The following EXOSC10 variants were observed in gnomAD, a reference collection of about 807,000 sequenced individuals.
EXOSC10 encodes exosome complex component 10.
Under a neutral mutation model 126.6 loss-of-function variants are expected in EXOSC10, and 94 were observed. The ratio of observed to expected loss-of-function variants is 0.74; its 90% CI spans 0.63 to 0.88. The LOEUF (loss-of-function observed/expected upper bound fraction) is 0.88. Among genes scored for constraint, EXOSC10 ranks in the 40% least tolerant of loss-of-function variants. The pLI is 0.00. For missense variants in EXOSC10, 1,041 were observed against 1,100.5 expected, an observed-to-expected ratio of 0.95 and a Z score of 0.77; for synonymous variants, 395 against 400.8, an observed-to-expected ratio of 0.99 and a Z score of 0.17.
chr1:11,095,752 A>C lies in EXOSC10; in HGVS notation c.372+6T>G, dbSNP rs1243645006. ...AACAAAAAAAAGAGTAAGGGAAAATACTCACCACTCTCTCCAGAATTACAT... is the reference window on the plus strand; with the variant it reads ...AACAAAAAAAAGAGTAAGGGAAAATCCTCACCACTCTCTCCAGAATTACAT... On this transcript the variant is annotated splice_donor_region_variant and intron_variant, in intron 3 of 24. Transcript: ENST00000376936. 9.9e-6 allele frequency: 16 copies of C among 1,613,388 alleles called. No individual in the cohort carries two copies. Among genetic ancestry groups the C allele is most frequent in the Non-Finnish European group, 1.1e-5 (13 of 1,179,528 alleles).
At chr1:11,089,618 T>TC (rs1435710780) in intron 6 of EXOSC10, among the ~76,000 whole-genome samples, 1 of 115,264 alleles carries the variant, frequency 8.7e-6, no homozygotes, top group Non-Finnish European at 1.8e-5. Context: ...CGAAACTCCG[T>TC]CCCAAAAAAA....
intron 10 of EXOSC10, among the ~76,000 whole-genome samples, chr1:11,081,948 G>A (rs1291358956): frequency 6.6e-6 from 1 of 151,908 alleles, no homozygotes; most frequent in African/African-American, 2.4e-5. Context: ...TGGGCGTGGT[G>A]GTGCACGCCT....
Position 11,091,272 on chromosome 1 carries a change from A to G in EXOSC10, c.478-93T>C, listed in dbSNP as rs574938732. 3.3e-6 allele frequency: 4 copies of G among 1,230,540 alleles called. No homozygotes were observed. The East Asian group carries it at 9.3e-5, about 29-fold the overall frequency. 76.2% of individuals were successfully genotyped at this position (1,230,540 alleles called of 1,614,324 possible). ...TTATGACTTCTGAGGAGACAAGAAC[A>G]TCGCAAAGGTCATTCATTCATTTAA... is the stretch of plus-strand genomic sequence containing the variant. On this transcript the variant is annotated intron_variant, in intron 4 of 24. Coordinates refer to ENST00000376936, the MANE Select transcript of EXOSC10 (RefSeq NM_001001998.3).
At chr1:11,098,267 A>C in intron 1 of EXOSC10, 111 bp from the exon 2 acceptor site, 2 of 1,340,814 alleles carry the variant, frequency 1.5e-6, no homozygotes, top group Non-Finnish European at 2.0e-6. Flanking sequence ...CCATCAAAAA[A>C]AGCACTCATT....
At chr1:11,076,026 A>T (rs1639796698) in intron 17 of EXOSC10, among the ~76,000 whole-genome samples, 1 of 151,722 alleles carries the variant, frequency 6.6e-6, no homozygotes, top group South Asian at 2.1e-4. Flanking sequence ...TTAGCTAAGT[A>T]TGGTGGCGGG....
intron 10 of EXOSC10, 149 bp downstream of exon 10, chr1:11,082,539 T>G (rs1317642478): frequency 1.3e-6 from 2 of 1,482,144 alleles, no homozygotes; most frequent in Admixed American, 5.0e-5. Context: ...CCTACCACTT[T>G]TACGCTGCTG....
At chr1:11,076,230 C>T (rs1441040570) in intron 17 of EXOSC10, among the ~76,000 whole-genome samples, 2 of 152,038 alleles carry the variant, frequency 1.3e-5, no homozygotes, top group African/African-American at 2.4e-5. Flanking sequence ...TGCCTGTAAT[C>T]CCAGCTACTC....
intron 24 of EXOSC10, among the ~76,000 whole-genome samples, 186 bp downstream of exon 24, chr1:11,067,822 G>C (rs1283320909): frequency 6.6e-6 from 1 of 152,102 alleles, no homozygotes; most frequent in East Asian, 1.9e-4. Context: ...GTATGGCACA[G>C]AGCAAATCAC....
Position 11,077,621 on chromosome 1 carries a change from C to T in EXOSC10, c.1780G>A (p.Gly594Arg), listed in dbSNP as rs530179972. 51 of 1,612,232 alleles carry T rather than the reference C, an allele frequency of 3.2e-5. No homozygotes were observed. In the African/African-American group the frequency reaches 4.4e-4, roughly 14 times the overall value. Residue 594 changes from glycine to arginine, a missense_variant, in exon 15 of 25, where the codon GGA (glycine) becomes AGA (arginine). Physicochemically the swap from Gly to Arg is moderately radical, Grantham distance 125 (BLOSUM62 -2). This residue lies in a region of EXOSC10 where 388 missense variants were observed against 415.2 expected (regional missense o/e 0.93). Transcript: ENST00000376936. ...SEVAAGVKKS[G>R]PLPSAERLEN... ...TCTACCTCAGCACTGGGCAGCGGTC[C>T]GCTCTTCTTCACTCCGGCTGCAACT...
intron 3 of EXOSC10, among the ~76,000 whole-genome samples, chr1:11,094,974 G>A (rs1318089902): frequency 6.6e-6 from 1 of 152,024 alleles, no homozygotes; most frequent in Admixed American, 6.6e-5. Context: ...CACTTTGGGA[G>A]GCCAAGACAG....
chr1:11,082,038 C>T lies in EXOSC10; in HGVS notation c.1280+650G>A, dbSNP rs572184175. ...CAGAGGTTGTGGTGAGCCGAGATCG[C>T]GCCATTGCACTCCAGCCTGGGCAAC... is the stretch of plus-strand genomic sequence containing the variant. On this transcript the variant is annotated intron_variant, in intron 10 of 24. Coordinates refer to ENST00000376936, the MANE Select transcript of EXOSC10 (RefSeq NM_001001998.3). Among the ~76,000 whole-genome samples, 65 of 149,716 alleles carry T rather than the reference C, an allele frequency of 4.3e-4. 1 individual carries two copies. The highest frequency in any genetic ancestry group is 6.6e-4 in the Non-Finnish European group (45 of 67,676).
chr1:11,089,524 G>GGCCCT (rs1488101342), intron 6 of EXOSC10, among the ~76,000 whole-genome samples: 19 of 151,646 alleles, frequency 1.3e-4, no homozygotes, highest in Non-Finnish European at 1.6e-4. Flanking sequence ...GGGAGGCTGA[G>GGCCCT]GCAGGAGAAT....
chr1:11,088,213 C>T lies in EXOSC10; in HGVS notation c.759-15G>A. ...GATGTGCAAACCTGAGTAAATAAAA[C>T]AAAAAGAGAAATCATTCTGATTAAT... On this transcript the variant is annotated splice_polypyrimidine_tract_variant and intron_variant, in intron 6 of 24. Coordinates refer to ENST00000376936, the MANE Select transcript of EXOSC10 (RefSeq NM_001001998.3). 6.3e-7 allele frequency: 1 copy of T among 1,577,366 alleles called. No homozygotes were observed. The highest frequency in any genetic ancestry group is 8.7e-7 in the Non-Finnish European group (1 of 1,155,934).
rs995087101 is a variant in EXOSC10, at chr1:11,089,368, G to A, written c.759-1170C>T. On this transcript the variant is annotated intron_variant, in intron 6 of 24. Transcript: ENST00000376936. ...CTCGGGCCTGTAATCCCAGCACTTT[G>A]GGAGGCCAAGGAGGGTGGATCAACT... Among the ~76,000 whole-genome samples the A allele has an allele frequency of 2.6e-5, 4 of 151,882 alleles. No individual in the cohort carries two copies. In the East Asian group the frequency reaches 7.7e-4, roughly 29 times the overall value.
Position 11,066,682 on chromosome 1 carries a change from T to C in EXOSC10, c.*36A>G, listed in dbSNP as rs759081627. 25 of 1,612,732 alleles carry C rather than the reference T, an allele frequency of 1.6e-5. No homozygotes were observed. Among genetic ancestry groups the C allele is most frequent in the Non-Finnish European group, 1.9e-5 (22 of 1,178,770 alleles). On this transcript the variant is annotated 3_prime_UTR_variant, in exon 25 of 25. Transcript: ENST00000376936. ...GTACAAAAGCAGCACCAGCATTTGG[T>C]GCTTCCGGTCCACAGGCGCCACGTG...
At chr1:11,073,537 T>C (rs933149777) in intron 19 of EXOSC10, among the ~76,000 whole-genome samples, 3 of 152,168 alleles carry the variant, frequency 2.0e-5, no homozygotes, top group Non-Finnish European at 2.9e-5. Flanking sequence ...ACAGATGAGA[T>C]AGGCTTGTCT....
At chr1:11,091,391 C>A in intron 4 of EXOSC10, 102 bp downstream of exon 4, 1 of 1,060,114 alleles carries the variant, frequency 9.4e-7, no homozygotes. Flanking sequence ...GAGACAGTGG[C>A]CAGTTCTCTA....
chr1:11,075,781 G>C (rs993274143), intron 17 of EXOSC10, among the ~76,000 whole-genome samples: 3 of 144,238 alleles, frequency 2.1e-5, no homozygotes, highest in Non-Finnish European at 4.5e-5. Context: ...TTGAGCCCAG[G>C]AGGCAGAGGT....
At chr1:11,086,006 T>C (rs1419118029) in intron 9 of EXOSC10, among the ~76,000 whole-genome samples, 1 of 151,504 alleles carries the variant, frequency 6.6e-6, no homozygotes, top group Non-Finnish European at 1.5e-5. Context: ...TTTGATGTGC[T>C]GCTGGATTCG....
Sources: gnomAD v4.1 joint callset for allele counts (sites outside exome capture counted in the v4.1 genomes callset) on GRCh38, gnomAD v4.1.1 for gene constraint, gnomAD v4.1.1 regional missense constraint, MANE v1.5 for transcripts, NCBI Gene and HGNC (gene_info 2026-07-23, HGNC 2026-07-21) for gene names.